TRPM3: variants seen among roughly 807,000 people sequenced by gnomAD.
The protein encoded by TRPM3 is transient receptor potential cation channel subfamily M member 3, also known as long transient receptor potential channel 3.
TRPM3 carries 77 observed loss-of-function variants against 181.2 expected under a neutral mutation model. The observed-to-expected ratio is 0.42, with a 90% CI of 0.35 to 0.51. The LOEUF (loss-of-function observed/expected upper bound fraction) is 0.51. Among genes scored for constraint, TRPM3 ranks in the 20% least tolerant of loss-of-function variants. The pLI is 0.01. For synonymous variants in TRPM3, 745 were observed against 796.4 expected (o/e 0.94, Z 1.09); for missense variants, 1,759 against 2,196.7 (o/e 0.80, Z 3.98).
At chr9:71,191,183 A>G (rs982353101) in intron 1 of TRPM3, among the ~76,000 whole-genome samples, 3 of 151,826 alleles carry the variant, frequency 2.0e-5, no homozygotes, top group Non-Finnish European at 4.4e-5. Context: ...CCTCTTAAAC[A>G]TAAAGCTGTA....
chr9:70,742,842 T>C (rs2074410810), intron 8 of TRPM3, among the ~76,000 whole-genome samples: 1 of 152,150 alleles, frequency 6.6e-6, no homozygotes, highest in Non-Finnish European at 1.5e-5. Context: ...TCCACACATG[T>C]ATTATAATCT....
At chr9:70,997,331 G>A (rs1021637252) in intron 1 of TRPM3, among the ~76,000 whole-genome samples, 4 of 152,126 alleles carry the variant, frequency 2.6e-5, no homozygotes, top group African/African-American at 4.8e-5. Flanking sequence ...GAGTAGCTGG[G>A]ACTACAGGCT....
intron 6 of TRPM3, among the ~76,000 whole-genome samples, chr9:70,807,156 G>A (rs13287453): frequency 0.31 from 46,590 of 152,074 alleles, 8,532 homozygotes; most frequent in African/African-American, 0.51. Context: ...GAATGATCCT[G>A]ATCTGGACTG....
intron 1 of TRPM3, among the ~76,000 whole-genome samples, chr9:71,249,077 C>A (rs1369334193): frequency 6.6e-6 from 1 of 152,188 alleles, no homozygotes; most frequent in Admixed American, 6.5e-5. Context: ...AAAATTTGCT[C>A]ATTTCATTTG....
chr9:70,917,572 T>C, intron 1 of TRPM3: 1 of 592,484 alleles, frequency 1.7e-6, no homozygotes, highest in Non-Finnish European at 3.1e-6. Context: ...AGTTGTTATA[T>C]CAACTTAAAA....
chr9:70,765,277 G>C (rs1397499975), intron 7 of TRPM3, among the ~76,000 whole-genome samples: 1 of 152,174 alleles, frequency 6.6e-6, no homozygotes, highest in Admixed American at 6.6e-5. Flanking sequence ...TAATCACAAA[G>C]TGCATTAAGT....
At position 71,396,110 on chromosome 9, in the gene TRPM3, T is replaced by C. The variant is rs552082346; in HGVS notation, c.183+50543A>G. Among the ~76,000 whole-genome samples the C allele has an allele frequency of 7.4e-4, 112 of 152,324 alleles. 3 individuals carry two copies. Among genetic ancestry groups the C allele is most frequent in the East Asian group, 6.2e-3 (32 of 5,178 alleles). On this transcript the variant is annotated intron_variant, in intron 1 of 24. Coordinates refer to the TRPM3 transcript ENST00000357533. ...ACAACTATTAGGATTAAAAAACAAA[T>C]TCAAGCAGGCAAGTGACAAACACGT...
At chr9:71,334,258 C>G (rs183926855) in intron 1 of TRPM3, among the ~76,000 whole-genome samples, 1 of 151,506 alleles carries the variant, frequency 6.6e-6, no homozygotes, top group Non-Finnish European at 1.5e-5. Flanking sequence ...TTAAATCTGC[C>G]TAATATTTTG....
chr9:70,666,258 C>T (rs777927421), intron 9 of TRPM3, among the ~76,000 whole-genome samples: 60 of 152,200 alleles, frequency 3.9e-4, no homozygotes, highest in Non-Finnish European at 2.9e-4. Flanking sequence ...CTCCTAAGCT[C>T]CTGGGGGCAG....
At chr9:71,048,191 T>G (rs1400706596) in intron 1 of TRPM3, among the ~76,000 whole-genome samples, 1 of 152,136 alleles carries the variant, frequency 6.6e-6, no homozygotes, top group African/African-American at 2.4e-5. Context: ...GGAAGAAGAG[T>G]ATACATTTTC....
At chr9:71,006,749 T>C (rs1417592914) in intron 1 of TRPM3, among the ~76,000 whole-genome samples, 1 of 151,590 alleles carries the variant, frequency 6.6e-6, no homozygotes, top group Middle Eastern at 3.2e-3. Flanking sequence ...CGGGCACCTG[T>C]AGTCCCAGCT....
intron 8 of TRPM3, among the ~76,000 whole-genome samples, chr9:70,700,628 T>C (rs1448108354): frequency 2.2e-4 from 33 of 152,360 alleles, no homozygotes; most frequent in Middle Eastern, 6.8e-3. Flanking sequence ...GCAAAACTTA[T>C]AGGCTGTCAA....
At chr9:71,211,796 C>T (rs1254957667) in intron 1 of TRPM3, among the ~76,000 whole-genome samples, 1 of 152,062 alleles carries the variant, frequency 6.6e-6, no homozygotes, top group African/African-American at 2.4e-5. Context: ...TAGGTGTGAC[C>T]TCATCATTTT....
At chr9:71,289,319 C>T (rs767460335) in intron 1 of TRPM3, among the ~76,000 whole-genome samples, 2 of 152,014 alleles carry the variant, frequency 1.3e-5, no homozygotes, top group South Asian at 2.1e-4. Flanking sequence ...TTGACCTCAA[C>T]GTTTTAAAAA....
intron 6 of TRPM3, among the ~76,000 whole-genome samples, chr9:70,800,595 A>T (rs2088660591): frequency 6.6e-6 from 1 of 152,216 alleles, no homozygotes; most frequent in South Asian, 2.1e-4. Context: ...CCTACTCGGT[A>T]TGAAGATGAT....
intron 1 of TRPM3, among the ~76,000 whole-genome samples, chr9:70,913,217 G>C (rs957150222): frequency 1.3e-5 from 2 of 152,152 alleles, no homozygotes; most frequent in Admixed American, 1.3e-4. Flanking sequence ...CCTGGGCTCT[G>C]TTCCTCTGAC....
Position 70,834,913 on chromosome 9 carries a change from T to C in TRPM3, c.802-6895A>G, listed in dbSNP as rs138170816. ...AGTTTGAGTGCTTGTCTCCCCGAAA[T>C]CTCATGTTGAAATGTAATCCCCAAT... On this transcript the variant is annotated intron_variant, in intron 5 of 25. Transcript: ENST00000677713. Among the ~76,000 whole-genome samples the C allele has an allele frequency of 2.7e-3, 405 of 152,284 alleles. 3 individuals carry two copies. The highest frequency in any genetic ancestry group is 9.3e-3 in the African/African-American group (385 of 41,558).
At chr9:70,608,706 G>A (rs2061569786) in intron 19 of TRPM3, among the ~76,000 whole-genome samples, 1 of 152,050 alleles carries the variant, frequency 6.6e-6, no homozygotes, top group South Asian at 2.1e-4. Context: ...CAGGTGTGGT[G>A]GTGAACACCT....
intron 11 of TRPM3, among the ~76,000 whole-genome samples, chr9:70,636,863 T>C (rs1305497972): frequency 6.6e-6 from 1 of 152,056 alleles, no homozygotes; most frequent in Non-Finnish European, 1.5e-5. Context: ...AAATTTTGTA[T>C]TTTTAGTAGA....
Sources: gnomAD v4.1 joint callset for allele counts (sites outside exome capture counted in the v4.1 genomes callset) on GRCh38, gnomAD v4.1.1 for gene constraint, MANE v1.5 for transcripts, NCBI Gene and HGNC (gene_info 2026-07-23, HGNC 2026-07-21) for gene names.